The following AP3B1 variants were observed in gnomAD, a reference collection of about 807,000 sequenced individuals.
AP3B1 encodes AP-3 complex subunit beta-1.
In AP3B1, 61 loss-of-function variants were observed where a neutral mutation model predicts 132.5. That is an observed-to-expected ratio of 0.46 (90% CI 0.37 to 0.57). The LOEUF (loss-of-function observed/expected upper bound fraction) is 0.57, where lower values mean the gene tolerates loss of function less well. AP3B1 is among the 20% of genes least tolerant of loss of function. AP3B1 has a pLI of 0.00. For missense variants in AP3B1, 1,120 were observed against 1,289.4 expected (o/e 0.87, Z 2.01); for synonymous variants, 388 against 438.3 (o/e 0.89, Z 1.43).
chr5:78,217,586 CAA>C (rs1244069214), intron 6 of AP3B1, among the ~76,000 whole-genome samples: 3 of 152,090 alleles, frequency 2.0e-5, no homozygotes, highest in African/African-American at 7.2e-5. Flanking sequence ...ATGTCTTCTG[CAA>C]AAGACATAAT....
chr5:78,115,233 T>C lies in AP3B1; in HGVS notation c.2077+893A>G, dbSNP rs559555202. On this transcript the variant is annotated intron_variant, in intron 18 of 26. Coordinates refer to ENST00000255194, the MANE Select transcript of AP3B1 (RefSeq NM_003664.5). ...AGGTAATGTATCACAGATTAATTTA[T>C]CAGATACTAAAAACAAAGATTTTTG... Among the ~76,000 whole-genome samples the C allele has an allele frequency of 2.3e-4, 35 of 152,268 alleles. 1 individual carries two copies. The highest frequency in any genetic ancestry group is 8.4e-4 in the African/African-American group (35 of 41,556).
At chr5:78,043,494 T>C (rs568868800) in intron 22 of AP3B1, 21 of 250,748 alleles carry the variant, frequency 8.4e-5, no homozygotes, top group Non-Finnish European at 1.5e-4. Context: ...CTCCTCTCTT[T>C]CCTTCTCCAA....
At chr5:78,125,983 T>A (rs1752437838) in intron 17 of AP3B1, among the ~76,000 whole-genome samples, 1 of 151,752 alleles carries the variant, frequency 6.6e-6, no homozygotes, top group African/African-American at 2.4e-5. Flanking sequence ...GAGAAGATAA[T>A]GCTTTTTGGT....
At chr5:78,267,952 A>G (rs575653642) in intron 1 of AP3B1, among the ~76,000 whole-genome samples, 1 of 152,328 alleles carries the variant, frequency 6.6e-6, no homozygotes, top group African/African-American at 2.4e-5. Flanking sequence ...TTTCAAAAGG[A>G]ATAAATGCAA....
intron 17 of AP3B1, among the ~76,000 whole-genome samples, chr5:78,124,750 A>C (rs1752389143): frequency 6.6e-6 from 1 of 152,214 alleles, no homozygotes; most frequent in Non-Finnish European, 1.5e-5. Flanking sequence ...GTATTCTATA[A>C]ACAAAGCTCT....
chr5:78,074,881 T>C (rs1382926498), intron 22 of AP3B1, among the ~76,000 whole-genome samples: 2 of 152,036 alleles, frequency 1.3e-5, no homozygotes, highest in East Asian at 3.9e-4. Flanking sequence ...TGCGGTGAGC[T>C]GAGATTGCGC....
intron 8 of AP3B1, among the ~76,000 whole-genome samples, chr5:78,178,426 T>C (rs1316395477): frequency 3.9e-5 from 6 of 152,094 alleles, no homozygotes; most frequent in Non-Finnish European, 7.4e-5. Flanking sequence ...TGTGAGAGCA[T>C]CCTGGCCAAC....
chr5:78,020,761 T>C lies in AP3B1; in HGVS notation c.2923A>G (p.Ile975Val). Residue 975 changes from isoleucine (I) to valine (V), a missense_variant, in exon 25 of 27, where the codon ATT becomes GTT. Ile to Val is a conservative substitution (Grantham distance 29). This residue lies in a region of AP3B1 where 906 missense variants were observed against 997.1 expected (regional missense o/e 0.91). Transcript: ENST00000255194. ...CTKDDCFNVN[I>V]QPPVGELLLP... The stretch of plus-strand genomic sequence containing the variant: ...AGCAGTTCTCCAACAGGTGGCTGAA[T>C]ATTAACATTGAAGCAATCATCCTTG... The C allele has an allele frequency of 1.9e-6, 3 of 1,612,498 alleles. No individual in the cohort carries two copies. The highest frequency in any genetic ancestry group is 2.5e-6 in the Non-Finnish European group (3 of 1,179,196).
At chr5:78,276,704 C>CA (rs78834961) in intron 1 of AP3B1, among the ~76,000 whole-genome samples, 4,245 of 150,820 alleles carry the variant, frequency 0.028, 110 homozygotes, top group East Asian at 0.14. Context: ...CCTTTCACCA[C>CA]AAAAAAAACA....
rs766080510 is a variant in AP3B1, at chr5:78,043,387, C to T, written c.2578-4113G>A. On this transcript the variant is annotated intron_variant, in intron 22 of 26. Coordinates refer to ENST00000255194, the MANE Select transcript of AP3B1 (RefSeq NM_003664.5). ...TTCAATCGATCTGCCACCTCAGCCT[C>T]CCAAAGTCCTGGGATTACAGGCATG... 33 of 185,460 alleles carry T rather than the reference C, an allele frequency of 1.8e-4. 1 individual carries two copies. Among genetic ancestry groups the T allele is most frequent in the Non-Finnish European group, 3.2e-4 (27 of 84,038 alleles). 11.5% of individuals were successfully genotyped at this position (185,460 alleles called of 1,614,324 possible). A position where few individuals can be genotyped will look rare whatever the true frequency, so the allele number is the denominator to read the frequency against.
intron 1 of AP3B1, among the ~76,000 whole-genome samples, chr5:78,276,862 C>A: frequency 6.9e-6 from 1 of 145,522 alleles, no homozygotes; most frequent in Non-Finnish European, 1.5e-5. Flanking sequence ...GAGCAAGACC[C>A]TGTCCCTAAA....
rs1053005330 is a variant in AP3B1 at position 78,028,645 on chromosome 5, C to T, written c.2894+5716G>A. Among the ~76,000 whole-genome samples the T allele has an allele frequency of 6.6e-5, 10 of 152,016 alleles. 1 individual carries two copies. The highest frequency in any genetic ancestry group is 2.6e-4 in the Admixed American group (4 of 15,274). The stretch of plus-strand genomic sequence containing the variant: ...TTCATGTGGCTATGGGTAACCTGTA[C>T]GGGCCAGAAGTCATTTGAATTTATA... On this transcript the variant is annotated intron_variant, in intron 24 of 26. Coordinates refer to ENST00000255194, the MANE Select transcript of AP3B1 (RefSeq NM_003664.5).
chr5:78,210,091 T>C (rs950340024), intron 7 of AP3B1, among the ~76,000 whole-genome samples: 2 of 152,210 alleles, frequency 1.3e-5, no homozygotes, highest in African/African-American at 4.8e-5. Context: ...CACAAAAAAC[T>C]GCTCTTATTG....
chr5:78,254,698 G>A (rs28852786), intron 2 of AP3B1, among the ~76,000 whole-genome samples: 37,112 of 152,042 alleles, frequency 0.24, 5,135 homozygotes, highest in Middle Eastern at 0.32. Flanking sequence ...ATGCTAAAGG[G>A]AGTACTTCAA....
At chr5:78,175,749 G>A (rs765289744) in intron 10 of AP3B1, 35 bp downstream of exon 10, 1 of 1,608,004 alleles carries the variant, frequency 6.2e-7, no homozygotes, top group African/African-American at 1.3e-5. Flanking sequence ...ATGTGTTCAT[G>A]TGTCTCTTAA....
chr5:78,225,521 A>T, intron 6 of AP3B1, 21 bp downstream of exon 6: 1 of 1,343,148 alleles, frequency 7.4e-7, no homozygotes, highest in Non-Finnish European at 1.1e-6. Flanking sequence ...TATGTCAAAG[A>T]CGTAAAAAGA....
At chr5:78,140,876 A>T (rs908845792) in intron 15 of AP3B1, among the ~76,000 whole-genome samples, 4 of 152,202 alleles carry the variant, frequency 2.6e-5, no homozygotes, top group Admixed American at 6.5e-5. Context: ...TCGACTTCAG[A>T]CTTTATAATT....
At chr5:78,274,830 G>A (rs1748703106) in intron 1 of AP3B1, among the ~76,000 whole-genome samples, 1 of 152,108 alleles carries the variant, frequency 6.6e-6, no homozygotes. Context: ...GAAGGCTGAG[G>A]CAAGAGGATT....
chr5:78,293,893 T>C (rs1299574868), intron 1 of AP3B1, among the ~76,000 whole-genome samples: 2 of 152,238 alleles, frequency 1.3e-5, no homozygotes, highest in African/African-American at 4.8e-5. Flanking sequence ...TTATTTTGGA[T>C]TGGTGTTTTT....
Sources: gnomAD v4.1 joint callset for allele counts (sites outside exome capture counted in the v4.1 genomes callset) on GRCh38, gnomAD v4.1.1 for gene constraint, gnomAD v4.1.1 regional missense constraint, MANE v1.5 for transcripts, NCBI Gene and HGNC (gene_info 2026-07-23, HGNC 2026-07-21) for gene names.